G2E3: variants seen among roughly 807,000 people sequenced by gnomAD.
G2E3 encodes the protein G2/M phase-specific E3 ubiquitin-protein ligase.
G2E3 carries 35 observed loss-of-function variants against 92.8 expected under a neutral mutation model. The observed-to-expected ratio is 0.38, with a 90% CI of 0.29 to 0.50. The LOEUF is 0.50. G2E3 is among the 20% of genes least tolerant of loss of function. The probability of loss-of-function intolerance (pLI) is 0.94; values close to 1 mark genes in which losing one functional copy is unlikely to be tolerated. For synonymous variants in G2E3, 242 were observed against 272.4 expected (o/e 0.89, Z 1.10); for missense variants, 554 against 823.8 (o/e 0.67, Z 4.01).
intron 11 of G2E3, among the ~76,000 whole-genome samples, chr14:30,607,282 A>G (rs1258340864): frequency 6.6e-6 from 1 of 152,162 alleles, no homozygotes; most frequent in Middle Eastern, 3.2e-3. Flanking sequence ...TAACAGGGAT[A>G]TGTTCTGAGA....
chr14:30,615,588 C>A, intron 14 of G2E3, 49 bp downstream of exon 14: 1 of 1,189,390 alleles, frequency 8.4e-7, no homozygotes, highest in Non-Finnish European at 1.2e-6. Flanking sequence ...ATATTTGTTT[C>A]AGCATATTTG....
intron 6 of G2E3, among the ~76,000 whole-genome samples, chr14:30,594,434 A>G (rs1881170318): frequency 6.6e-6 from 1 of 152,188 alleles, no homozygotes; most frequent in Non-Finnish European, 1.5e-5. Flanking sequence ...TCACGCCTGT[A>G]ATCCCAGCAC....
chr14:30,608,308 G>A (rs1370667488), intron 12 of G2E3, among the ~76,000 whole-genome samples: 1 of 152,154 alleles, frequency 6.6e-6, no homozygotes, highest in African/African-American at 2.4e-5. Flanking sequence ...TGTGATTTTG[G>A]TCTGTGTTCA....
chr14:30,598,002 G>C (rs1406504740), intron 7 of G2E3: 1 of 156,782 alleles, frequency 6.4e-6, no homozygotes, highest in African/African-American at 2.4e-5. Context: ...CTAATTAACT[G>C]TATGATAAAA....
Position 30,616,329 on chromosome 14 carries a change from G to A in G2E3, c.1916G>A (p.Cys639Tyr), listed in dbSNP as rs765789146. The change falls in exon 15 of 15, where the codon TGC becomes TAC. Residue 639 changes from cysteine (C) to tyrosine (Y), a missense_variant. This residue lies in a region of G2E3 where 397 missense variants were observed against 560.3 expected (regional missense o/e 0.71). Coordinates refer to ENST00000206595, the MANE Select transcript of G2E3 (RefSeq NM_017769.5). The part of the protein sequence containing the change: ...MEDILIFATG[C>Y]SSIPPAGFKP... ...GACATTCTTATTTTTGCAACTGGTT[G>A]CAGTTCCATTCCTCCAGCTGGATTT... is the stretch of plus-strand genomic sequence containing the variant. 2 of 1,608,238 alleles carry A rather than the reference G, an allele frequency of 1.2e-6. No individual in the cohort carries two copies. Among genetic ancestry groups the A allele is most frequent in the Non-Finnish European group, 8.5e-7 (1 of 1,175,008 alleles).
intron 1 of G2E3, among the ~76,000 whole-genome samples, chr14:30,561,421 T>C (rs895561325): frequency 2.0e-5 from 3 of 152,200 alleles, no homozygotes; most frequent in African/African-American, 4.8e-5. Context: ...GTCTACCATA[T>C]ATAATTCAAA....
At chr14:30,608,331 A>T (rs940007220) in intron 12 of G2E3, among the ~76,000 whole-genome samples, 9 of 152,206 alleles carry the variant, frequency 5.9e-5, no homozygotes, top group Non-Finnish European at 4.4e-5. Flanking sequence ...ATGGCTTGTG[A>T]ATACTCCTCA....
At chr14:30,589,337 A>G in intron 3 of G2E3, 46 bp from the exon 4 acceptor site, 1 of 1,073,810 alleles carries the variant, frequency 9.3e-7, no homozygotes, top group Admixed American at 1.8e-5. Flanking sequence ...TTTAATGCCC[A>G]ACTAGTTTCT....
chr14:30,617,247 C>G lies in G2E3; in HGVS notation c.*713C>G, dbSNP rs897991877. ...AGCCAGCCTGGCAATGTAGCAAAGACTCCATCTCAAAAAAAAAAACAGAAT... is the reference window on the plus strand; with the variant it reads ...AGCCAGCCTGGCAATGTAGCAAAGAGTCCATCTCAAAAAAAAAAACAGAAT... On this transcript the variant is annotated 3_prime_UTR_variant, in exon 15 of 15. Transcript: ENST00000206595. 6.6e-6 allele frequency: 1 copy of G among 151,486 alleles called. No individual in the cohort carries two copies. Among genetic ancestry groups the G allele is most frequent in the Admixed American group, 6.6e-5 (1 of 15,202 alleles). 9.4% of individuals were successfully genotyped at this position (151,486 alleles called of 1,614,324 possible). A position where few individuals can be genotyped will look rare whatever the true frequency, so the allele number is the denominator to read the frequency against.
intron 12 of G2E3, chr14:30,611,499 T>C (rs1243588678): frequency 6.6e-6 from 1 of 152,240 alleles, no homozygotes; most frequent in Non-Finnish European, 1.5e-5. Context: ...TATGAAAGTG[T>C]CTTGCACATA....
chr14:30,581,099 G>T lies in G2E3; in HGVS notation c.20G>T (p.Gly7Val). 1 of 1,472,354 alleles carries T rather than the reference G, an allele frequency of 6.8e-7. No homozygotes were observed. Among genetic ancestry groups the T allele is most frequent in the Non-Finnish European group, 9.5e-7 (1 of 1,053,256 alleles). The allele number at this position is 1,472,354 out of a possible 1,614,324, so 91.2% of individuals were successfully genotyped here. MNESKP[G>V]DSQNLACVFC... is the part of the protein sequence containing the mutation. ...AGTAAAATGAATGAAAGTAAACCTG[G>T]TGACTCACAGAACCTTGGTAAGTAA... Residue 7 changes from glycine to valine, a missense_variant, in exon 2 of 15, where the codon GGT becomes GTT. This residue lies in a region of G2E3 where 137 missense variants were observed against 201.3 expected (regional missense o/e 0.68). Coordinates refer to ENST00000206595, the MANE Select transcript of G2E3 (RefSeq NM_017769.5).
intron 2 of G2E3, among the ~76,000 whole-genome samples, chr14:30,582,838 T>A (rs1286148051): frequency 1.3e-5 from 2 of 152,210 alleles, no homozygotes; most frequent in African/African-American, 4.8e-5. Context: ...GGCAGAGTAG[T>A]TAGGCTATTT....
intron 12 of G2E3, among the ~76,000 whole-genome samples, chr14:30,608,518 A>G (rs1353639233): frequency 1.3e-5 from 2 of 152,246 alleles, no homozygotes; most frequent in Non-Finnish European, 2.9e-5. Flanking sequence ...TGAATGATAG[A>G]TGGAGAGAAA....
intron 1 of G2E3, among the ~76,000 whole-genome samples, chr14:30,575,761 A>G (rs1166413041): frequency 2.0e-5 from 3 of 152,360 alleles, no homozygotes; most frequent in East Asian, 3.9e-4. Context: ...AGGCAATCCC[A>G]TTCACAGTGG....
rs1017787455 is a variant in G2E3, at chr14:30,618,390, C to G, written c.*1856C>G. The stretch of plus-strand genomic sequence containing the variant: ...TTCTTTATCCACCTTATTTTTATTA[C>G]AGCTAAAAACCAATACAAACCAATA... On this transcript the variant is annotated 3_prime_UTR_variant, in exon 15 of 15. Coordinates refer to ENST00000206595, the MANE Select transcript of G2E3 (RefSeq NM_017769.5). 1 of 152,038 alleles carries G rather than the reference C, an allele frequency of 6.6e-6. No homozygotes were observed. Among genetic ancestry groups the G allele is most frequent in the Non-Finnish European group, 1.5e-5 (1 of 67,948 alleles). 9.4% of individuals were successfully genotyped at this position (152,038 alleles called of 1,614,324 possible). A position where few individuals can be genotyped will look rare whatever the true frequency, so the allele number is the denominator to read the frequency against.
rs79956632 is a variant in G2E3, at chr14:30,577,204, A to G, written c.-4-3872A>G. 8.3e-4 allele frequency among the ~76,000 whole-genome samples: 122 copies of G among 147,560 alleles called. 1 individual carries two copies. The East Asian group carries it at 0.02, about 25-fold the overall frequency. ...TGCGTCACTGCAATCCAGCCTAGCA[A>G]CAGAGCAAGACTCTGTCTCAAAAAA... On this transcript the variant is annotated intron_variant, in intron 1 of 14. Transcript: ENST00000206595.
At chr14:30,590,169 A>G (rs959989226) in intron 4 of G2E3, among the ~76,000 whole-genome samples, 1 of 152,166 alleles carries the variant, frequency 6.6e-6, no homozygotes, top group East Asian at 1.9e-4. Context: ...TTCTGTTTAG[A>G]GAATGTGATA....
At position 30,618,488 on chromosome 14, in the gene G2E3, A is replaced by G. The variant is rs1269816170; in HGVS notation, c.*1954A>G. On this transcript the variant is annotated 3_prime_UTR_variant, in exon 15 of 15. Transcript: ENST00000206595. ...CCTAGGGTAGAAATTAAAGCTGATTAAGTCACACACACATACTTTGTTGGG... is the reference window on the plus strand; with the variant it reads ...CCTAGGGTAGAAATTAAAGCTGATTGAGTCACACACACATACTTTGTTGGG... The G allele has an allele frequency of 2.0e-5, 3 of 152,148 alleles. No homozygotes were observed. The highest frequency in any genetic ancestry group is 4.4e-5 in the Non-Finnish European group (3 of 67,974). The allele number at this position is 152,148 out of a possible 1,614,324, so 9.4% of individuals were successfully genotyped here.
chr14:30,590,603 AC>A, intron 4 of G2E3: 1 of 451,562 alleles, frequency 2.2e-6, no homozygotes. Flanking sequence ...CACATAAGAA[AC>A]ATTTATTCTT....
Sources: gnomAD v4.1 joint callset for allele counts (sites outside exome capture counted in the v4.1 genomes callset) on GRCh38, gnomAD v4.1.1 for gene constraint, gnomAD v4.1.1 regional missense constraint, MANE v1.5 for transcripts, NCBI Gene and HGNC (gene_info 2026-07-23, HGNC 2026-07-21) for gene names.